Variants in ABI3BP observed in about 807,000 individuals in gnomAD.
The protein encoded by ABI3BP is ABI family member 3 binding protein.
In ABI3BP, 216 loss-of-function variants were observed where a neutral mutation model predicts 268.6. That is an observed-to-expected ratio of 0.80 (90% CI 0.72 to 0.90). ABI3BP has a LOEUF of 0.90. Among genes scored for constraint, ABI3BP ranks in the 40% least tolerant of loss-of-function variants. The pLI is 0.00. For missense variants in ABI3BP, 2,090 were observed against 2,182.4 expected (o/e 0.96, Z 0.84); for synonymous variants, 730 against 730.0 (o/e 1.00, Z 0.00).
chr3:100,875,479 T>C (rs1001657545), intron 8 of ABI3BP, 29 bp downstream of exon 8: 22 of 1,338,206 alleles, frequency 1.6e-5, no homozygotes, highest in Non-Finnish European at 2.3e-5. Context: ...ATTTGCTTAA[T>C]CTCGGCATAG....
At chr3:100,774,716 A>G (rs1238979019) in intron 60 of ABI3BP, 43 bp from the exon 61 acceptor site, 2 of 1,401,506 alleles carry the variant, frequency 1.4e-6, no homozygotes, top group African/African-American at 2.9e-5. Flanking sequence ...AAAGATAAAA[A>G]AGCTTCACAA....
At chr3:100,830,151 A>ATG (rs1560541692) in intron 32 of ABI3BP, among the ~76,000 whole-genome samples, 2 of 83,210 alleles carry the variant, frequency 2.4e-5, no homozygotes, top group Non-Finnish European at 5.9e-5. Flanking sequence ...ATATATATAT[A>ATG]TATATATATA....
chr3:100,749,983 T>TA lies in ABI3BP; in HGVS notation c.*511dup, dbSNP rs898129513. On this transcript the variant is annotated 3_prime_UTR_variant, in exon 68 of 68. Coordinates refer to ENST00000471714, the MANE Select transcript of ABI3BP (RefSeq NM_001375547.2). ...TTGCTAAAAAATTGAAGTTTAAATATAAAAAATTGAAGTTTAAATATAAAT... is the reference window on the plus strand; with the variant it reads ...TTGCTAAAAAATTGAAGTTTAAATATAAAAAAATTGAAGTTTAAATATAAAT... 53 of 349,356 alleles carry TA rather than the reference T, an allele frequency of 1.5e-4. 1 individual carries two copies. The Admixed American group carries it at 1.7e-3, about 11-fold the overall frequency. The allele number at this position is 349,356 out of a possible 1,614,324, so 21.6% of individuals were successfully genotyped here.
intron 3 of ABI3BP, among the ~76,000 whole-genome samples, chr3:100,901,342 C>T (rs2050192864): frequency 6.6e-6 from 1 of 152,202 alleles, no homozygotes; most frequent in South Asian, 2.1e-4. Flanking sequence ...ACTGTTCTTT[C>T]TCCCATTTTA....
At chr3:100,973,823 G>A (rs993186290) in intron 1 of ABI3BP, among the ~76,000 whole-genome samples, 1 of 152,108 alleles carries the variant, frequency 6.6e-6, no homozygotes, top group African/African-American at 2.4e-5. Flanking sequence ...AGTCAGAACA[G>A]GAGACAAGAC....
At chr3:100,881,125 TC>T (rs1400598024) in intron 6 of ABI3BP, among the ~76,000 whole-genome samples, 2 of 152,238 alleles carry the variant, frequency 1.3e-5, no homozygotes, top group Non-Finnish European at 2.9e-5. Flanking sequence ...TCAAAAGGCT[TC>T]AAATTTCTGG....
At chr3:100,765,819 T>C in intron 63 of ABI3BP, 22 bp downstream of exon 63, 1 of 1,532,928 alleles carries the variant, frequency 6.5e-7, no homozygotes, top group Non-Finnish European at 9.0e-7. Context: ...AGAATTTACC[T>C]GGAATAGCAC....
intron 7 of ABI3BP, 72 bp downstream of exon 7, chr3:100,876,440 C>T: frequency 1.5e-6 from 2 of 1,299,040 alleles, no homozygotes; most frequent in South Asian, 2.6e-5. Context: ...AAAATATGTG[C>T]CGTGTTTGAT....
intron 29 of ABI3BP, 83 bp downstream of exon 29, chr3:100,834,601 G>A: frequency 7.6e-7 from 1 of 1,313,410 alleles, no homozygotes. Context: ...GGTCAAGTGG[G>A]TTATAAAGTG....
chr3:100,812,905 A>G (rs2097899249), intron 45 of ABI3BP, among the ~76,000 whole-genome samples: 1 of 152,116 alleles, frequency 6.6e-6, no homozygotes, highest in Middle Eastern at 3.2e-3. Flanking sequence ...TTCCCCAGAC[A>G]GGGTCTGGCT....
At chr3:100,863,055 T>C (rs887230482) in intron 12 of ABI3BP, 146 bp from the exon 13 acceptor site, 1 of 602,518 alleles carries the variant, frequency 1.7e-6, no homozygotes, top group East Asian at 2.8e-5. Flanking sequence ...TACATCTATG[T>C]TTCAATGTTG....
chr3:100,835,200 T>A (rs145143295), intron 28 of ABI3BP, among the ~76,000 whole-genome samples: 1 of 152,156 alleles, frequency 6.6e-6, no homozygotes, highest in African/African-American at 2.4e-5. Context: ...AAATAGTTGG[T>A]AGACAATAAA....
intron 59 of ABI3BP, among the ~76,000 whole-genome samples, chr3:100,777,482 GA>G (rs201981219): frequency 3.3e-5 from 5 of 151,892 alleles, no homozygotes; most frequent in South Asian, 2.1e-4. Context: ...GGAATTCAGA[GA>G]AAAAAAACCA....
chr3:100,874,801 C>G, intron 9 of ABI3BP, 40 bp downstream of exon 9: 1 of 1,200,414 alleles, frequency 8.3e-7, no homozygotes, highest in African/African-American at 1.5e-5. Context: ...TGCTAGTACT[C>G]AGTTACTGCA....
Position 100,840,068 on chromosome 3 carries a change from T to C in ABI3BP, c.1897+4A>G. The stretch of plus-strand genomic sequence containing the variant: ...GTTAATTGGAACCTGAATATCACAT[T>C]TACCGGGTTTGGACTTGGGCACTTC... On this transcript the variant is annotated splice_donor_region_variant and intron_variant, in intron 23 of 67. Transcript: ENST00000471714. The C allele has an allele frequency of 6.5e-7, 1 of 1,529,022 alleles. No individual in the cohort carries two copies. The highest frequency in any genetic ancestry group is 8.7e-7 in the Non-Finnish European group (1 of 1,142,964). The allele number at this position is 1,529,022 out of a possible 1,614,324, so 94.7% of individuals were successfully genotyped here.
chr3:100,793,444 A>C (rs529447712), intron 54 of ABI3BP, among the ~76,000 whole-genome samples: 41 of 152,058 alleles, frequency 2.7e-4, no homozygotes, highest in African/African-American at 8.4e-4. Flanking sequence ...TATTCTCTTG[A>C]TTCTGCTCAA....
intron 38 of ABI3BP, 22 bp downstream of exon 38, chr3:100,822,567 A>T: frequency 6.5e-7 from 1 of 1,534,136 alleles, no homozygotes; most frequent in Non-Finnish European, 8.7e-7. Context: ...GGGACTCTTT[A>T]AACCAGGAAC....
intron 13 of ABI3BP, 50 bp from the exon 14 acceptor site, chr3:100,862,435 A>G: frequency 1.6e-6 from 2 of 1,254,890 alleles, no homozygotes; most frequent in Non-Finnish European, 2.2e-6. Flanking sequence ...TTTTTTTAAC[A>G]GGAGAACGAG....
chr3:100,753,706 A>G (rs1247507384), intron 65 of ABI3BP, 113 bp downstream of exon 65: 5 of 1,146,852 alleles, frequency 4.4e-6, no homozygotes, highest in Middle Eastern at 1.9e-4. Flanking sequence ...GTTTGGTGTT[A>G]TAAGAAGACT....
Sources: gnomAD v4.1 joint callset for allele counts (sites outside exome capture counted in the v4.1 genomes callset) on GRCh38, gnomAD v4.1.1 for gene constraint, MANE v1.5 for transcripts, NCBI Gene and HGNC (gene_info 2026-07-23, HGNC 2026-07-21) for gene names.